Variants in SLC16A12 observed in about 807,000 individuals in gnomAD.
The protein encoded by SLC16A12 is solute carrier family 16 member 12, also known as monocarboxylate transporter 12.
A neutral mutation model predicts 42.4 loss-of-function variants in SLC16A12; 17 were observed. The observed-to-expected ratio is 0.40, with a 90% CI of 0.27 to 0.60. SLC16A12 has a LOEUF of 0.60. SLC16A12 is among the 20% of genes least tolerant of loss of function. SLC16A12 has a pLI of 0.42. For synonymous variants in SLC16A12, 224 were observed against 229.4 expected (o/e 0.98, Z 0.21); for missense variants, 544 against 623.0 (o/e 0.87, Z 1.35).
At chr10:89,452,787 G>A (rs72816706) in intron 3 of SLC16A12, among the ~76,000 whole-genome samples, 20,172 of 152,232 alleles carry the variant, frequency 0.13, 1,767 homozygotes, top group Non-Finnish European at 0.19. Context: ...AGGTCGAACT[G>A]CAATGCAGGC....
At chr10:89,483,826 C>G (rs2133792428) in intron 2 of SLC16A12, among the ~76,000 whole-genome samples, 1 of 151,752 alleles carries the variant, frequency 6.6e-6, no homozygotes, top group East Asian at 1.9e-4. Flanking sequence ...GTGTATTATG[C>G]CTGTTCTTAG....
intron 2 of SLC16A12, among the ~76,000 whole-genome samples, chr10:89,509,305 G>T (rs1843124643): frequency 6.6e-6 from 1 of 152,118 alleles, no homozygotes; most frequent in South Asian, 2.1e-4. Flanking sequence ...TAGAATTTTA[G>T]ACCAATATCC....
chr10:89,486,731 G>A (rs907224947), intron 2 of SLC16A12, among the ~76,000 whole-genome samples: 1 of 131,058 alleles, frequency 7.6e-6, no homozygotes, highest in Non-Finnish European at 1.6e-5. Context: ...AGAGAAAAAC[G>A]AAATAAGTAG....
intron 2 of SLC16A12, among the ~76,000 whole-genome samples, chr10:89,552,421 G>A (rs892917291): frequency 1.8e-4 from 28 of 152,196 alleles, no homozygotes; most frequent in African/African-American, 5.3e-4. Context: ...TTTGGAGTTA[G>A]GCATCATCTG....
chr10:89,462,659 T>C (rs991719961), intron 2 of SLC16A12, 35 bp from the exon 3 acceptor site: 2 of 1,509,648 alleles, frequency 1.3e-6, no homozygotes, highest in African/African-American at 2.8e-5. Context: ...TTATATCTTA[T>C]TGCTATGTCC....
intron 2 of SLC16A12, among the ~76,000 whole-genome samples, chr10:89,465,842 A>C (rs1040192958): frequency 2.0e-5 from 3 of 152,228 alleles, no homozygotes; most frequent in Non-Finnish European, 4.4e-5. Context: ...GATGAGGCAC[A>C]GAACGGGAAG....
At chr10:89,467,284 AGCCC>A (rs1402478156) in intron 2 of SLC16A12, among the ~76,000 whole-genome samples, 2 of 152,252 alleles carry the variant, frequency 1.3e-5, no homozygotes, top group Admixed American at 1.3e-4. Flanking sequence ...GCTGTGCAAC[AGCCC>A]TTTTAAAAAG....
intron 3 of SLC16A12, among the ~76,000 whole-genome samples, chr10:89,445,243 G>C (rs910060343): frequency 1.3e-5 from 2 of 152,248 alleles, no homozygotes; most frequent in Non-Finnish European, 2.9e-5. Context: ...TTCCATCACA[G>C]TGTTTGAGCT....
chr10:89,434,923 T>C (rs1180093916), intron 7 of SLC16A12, among the ~76,000 whole-genome samples: 1 of 152,222 alleles, frequency 6.6e-6, no homozygotes, highest in Admixed American at 6.5e-5. Context: ...CCTAGGAGAC[T>C]CTGATGCAGG....
At chr10:89,533,950 G>C (rs1226689081) in intron 2 of SLC16A12, among the ~76,000 whole-genome samples, 16 of 152,190 alleles carry the variant, frequency 1.1e-4, no homozygotes, top group Non-Finnish European at 1.5e-5. Flanking sequence ...TGAGTTAGGT[G>C]GGAATGAGAA....
chr10:89,486,233 T>C lies in SLC16A12; in HGVS notation c.-46-23609A>G, dbSNP rs1423176991. Among the ~76,000 whole-genome samples, 3 of 152,024 alleles carry C rather than the reference T, an allele frequency of 2.0e-5. No individual in the cohort carries two copies. The East Asian group carries it at 5.8e-4, about 29-fold the overall frequency. The stretch of plus-strand genomic sequence containing the variant: ...GGTACTGAGGATGATCTAGGTTGTA[T>C]GTAAAAGCCCCATATGGCTCCCTTA... On this transcript the variant is annotated intron_variant, in intron 2 of 7. Coordinates refer to ENST00000371790, the MANE Select transcript of SLC16A12 (RefSeq NM_213606.4).
chr10:89,539,720 T>A (rs11185747), upstream of SLC16A12, among the ~76,000 whole-genome samples: 4,597 of 152,306 alleles, frequency 0.03, 125 homozygotes, highest in Non-Finnish European at 0.048. Context: ...TTTGTTCTCA[T>A]GACTAATTAA....
chr10:89,460,481 T>TC (rs1842280198), intron 3 of SLC16A12, among the ~76,000 whole-genome samples: 1 of 109,806 alleles, frequency 9.1e-6, no homozygotes, highest in Non-Finnish European at 2.1e-5. Context: ...TCCCAGCACT[T>TC]TGGAGGCTGA....
rs537689015 is a variant in SLC16A12 at position 89,470,030 on chromosome 10, T to G, written c.-46-7406A>C. On this transcript the variant is annotated intron_variant, in intron 2 of 7. Coordinates refer to ENST00000371790, the MANE Select transcript of SLC16A12 (RefSeq NM_213606.4). ...TATAGGTAATATTTTTTAAGAAATCTTCTGGTGTATTGCCCCTTTCTGGTA... is the reference window on the plus strand; with the variant it reads ...TATAGGTAATATTTTTTAAGAAATCGTCTGGTGTATTGCCCCTTTCTGGTA... Among the ~76,000 whole-genome samples the G allele has an allele frequency of 2.0e-5, 3 of 152,332 alleles. No homozygotes were observed. The East Asian group carries it at 5.8e-4, about 29-fold the overall frequency.
chr10:89,434,734 A>G (rs1275204613), intron 7 of SLC16A12, among the ~76,000 whole-genome samples: 3 of 152,212 alleles, frequency 2.0e-5, no homozygotes, highest in African/African-American at 7.2e-5. Context: ...GTCTTCAGAG[A>G]ACTTGTTCAC....
At chr10:89,439,738 C>T (rs572419687) in intron 5 of SLC16A12, among the ~76,000 whole-genome samples, 112 of 152,174 alleles carry the variant, frequency 7.4e-4, no homozygotes, top group African/African-American at 2.6e-3. Flanking sequence ...CTCTTAAGGT[C>T]AGCAGACAAA....
chr10:89,512,260 A>G (rs950593239), intron 2 of SLC16A12, among the ~76,000 whole-genome samples: 1 of 152,214 alleles, frequency 6.6e-6, no homozygotes, highest in African/African-American at 2.4e-5. Flanking sequence ...GCGAATGGTG[A>G]ACATACTTCT....
At chr10:89,451,498 G>A (rs1364989092) in intron 3 of SLC16A12, among the ~76,000 whole-genome samples, 3 of 151,732 alleles carry the variant, frequency 2.0e-5, no homozygotes, top group South Asian at 2.1e-4. Context: ...TGCAACCTCC[G>A]CCTCCCAGGT....
rs191424982 is a variant in SLC16A12, at chr10:89,544,148, C to T, written c.-47+11734G>A. 9.8e-5 allele frequency among the ~76,000 whole-genome samples: 15 copies of T among 152,338 alleles called. No homozygotes were observed. In the East Asian group the frequency reaches 2.7e-3, roughly 27 times the overall value. On this transcript the variant is annotated intron_variant, in intron 2 of 2. Transcript: ENST00000475682. ...AACAAAGGAGCAGCCATGAGCAGAA[C>T]CATTATGGCCCCACACCTAACCCAA... is the stretch of plus-strand genomic sequence containing the variant.
Sources: gnomAD v4.1 joint callset for allele counts (sites outside exome capture counted in the v4.1 genomes callset) on GRCh38, gnomAD v4.1.1 for gene constraint, MANE v1.5 for transcripts, NCBI Gene and HGNC (gene_info 2026-07-23, HGNC 2026-07-21) for gene names.